RCOR2: variants seen among roughly 807,000 people sequenced by gnomAD.
RCOR2 encodes REST corepressor 2.
Under a neutral mutation model 58.9 loss-of-function variants are expected in RCOR2, and 19 were observed. The observed-to-expected ratio is 0.32, with a 90% CI of 0.23 to 0.47. The LOEUF is 0.47. RCOR2 is among the 20% of genes least tolerant of loss of function. RCOR2 has a pLI of 1.00. For synonymous variants in RCOR2, 286 were observed against 278.7 expected (o/e 1.03, Z -0.26); for missense variants, 590 against 707.9 (o/e 0.83, Z 1.89).
At position 63,911,932 on chromosome 11, in the gene RCOR2, C is replaced by A; in HGVS notation, c.1505G>T (p.Arg502Leu). The A allele has an allele frequency of 2.2e-6, 1 of 456,224 alleles. No individual in the cohort carries two copies. The allele number at this position is 456,224 out of a possible 1,614,324, so 28.3% of individuals were successfully genotyped here. A position where few individuals can be genotyped will look rare whatever the true frequency, so the allele number is the denominator to read the frequency against. ...PALAAPRHSA[R>L]PGPQPPPTLI... ...GGTGGGTGGGGGCTGAGGGCCAGGGCGGGCGCTGTGGCGGGGGGCAGCCAG... is the reference window on the plus strand; with the variant it reads ...GGTGGGTGGGGGCTGAGGGCCAGGGAGGGCGCTGTGGCGGGGGGCAGCCAG... Residue 502 changes from arginine to leucine, a missense_variant, in exon 12 of 12, where the codon CGC (arginine) becomes CTC (leucine). By Grantham distance (102) the Arg-to-Leu change is moderately radical. Transcript: ENST00000301459.
In RCOR2 at chr11:63,916,615, G is replaced by A. The variant is rs1030261780; in HGVS notation, c.-159C>T. On this transcript the variant is annotated 5_prime_UTR_variant, in exon 1 of 12. Coordinates refer to ENST00000301459, the MANE Select transcript of RCOR2 (RefSeq NM_173587.4). ...GTGGCTAGGGTCCGGCGGGGTGGGA[G>A]CCCACCTGGTAGCCCCAGCGCTCTC... 1.3e-5 allele frequency: 17 copies of A among 1,278,046 alleles called. No individual in the cohort carries two copies. Among genetic ancestry groups the A allele is most frequent in the Admixed American group, 1.2e-4 (4 of 34,466 alleles). The allele number at this position is 1,278,046 out of a possible 1,614,324, so 79.2% of individuals were successfully genotyped here. A position where few individuals can be genotyped will look rare whatever the true frequency, so the allele number is the denominator to read the frequency against.
chr11:63,921,284 C>A (rs1317369605), upstream of RCOR2, among the ~76,000 whole-genome samples: 3 of 152,192 alleles, frequency 2.0e-5, no homozygotes, highest in Non-Finnish European at 2.9e-5. Flanking sequence ...ACAGCTGCGC[C>A]CTCTGGCGGT....
chr11:63,918,802 A>C (rs769285480), upstream of RCOR2, among the ~76,000 whole-genome samples: 392 of 150,696 alleles, frequency 2.6e-3, 2 homozygotes, highest in Non-Finnish European at 3.9e-3. Flanking sequence ...GCAGGGCCTC[A>C]GTTGAGTCCC....
At position 63,912,655 on chromosome 11, in the gene RCOR2, TC is replaced by T. The variant is rs1565159913; in HGVS notation, c.1027+20del. On this transcript the variant is annotated intron_variant, in intron 10 of 11. Coordinates refer to ENST00000301459, the MANE Select transcript of RCOR2 (RefSeq NM_173587.4). ...GAGATAGATTCCTGGGGTCCTCTCT[TC>T]TCACCACAGTTTAACCCACCTTGAA... is the stretch of plus-strand genomic sequence containing the variant. The T allele has an allele frequency of 4.3e-6, 7 of 1,613,464 alleles. 1 individual carries two copies. The South Asian group carries it at 6.6e-5, about 15-fold the overall frequency.
Position 63,916,448 on chromosome 11 carries a change from TG to T in RCOR2, c.8del (p.Ser3Ter). ...AGCCCGCGCTCGGCTTCTCCATCAC[TG>T]AGGGCATTACCCCGCCCAGCTGCCC... is the stretch of plus-strand genomic sequence containing the variant. The part of the protein sequence containing the change: MP[S>X]VMEKPSAGSG... On this transcript the variant is annotated frameshift_variant, in exon 1 of 12. Coordinates refer to ENST00000301459, the MANE Select transcript of RCOR2 (RefSeq NM_173587.4). LOFTEE classifies it high-confidence loss of function. 1 of 1,608,298 alleles carries T rather than the reference TG, an allele frequency of 6.2e-7. No homozygotes were observed. Among genetic ancestry groups the T allele is most frequent in the Non-Finnish European group, 8.5e-7 (1 of 1,178,276 alleles).
intron 8 of RCOR2, 53 bp downstream of exon 8, chr11:63,913,901 C>T (rs191447314): frequency 1.3e-6 from 2 of 1,548,388 alleles, no homozygotes; most frequent in African/African-American, 2.7e-5. Context: ...GACTTCAGTT[C>T]CCAGGTGCCG....
At position 63,915,230 on chromosome 11, in the gene RCOR2, C is replaced by T; in HGVS notation, c.213G>A (p.Glu71=). 6.4e-7 allele frequency: 1 copy of T among 1,551,462 alleles called. No homozygotes were observed. Among genetic ancestry groups the T allele is most frequent in the South Asian group, 1.2e-5 (1 of 84,076 alleles). Reference sequence around the variant, plus strand: ...GTGACCACACCAGCATCCCCTTCAGCTCCTTGTTGCTGTAGCGTGCGGGGC... The same window carrying T: ...GTGACCACACCAGCATCCCCTTCAGTTCCTTGTTGCTGTAGCGTGCGGGGC... ...PESPARYSNK[E]LKGMLVWSPN... The change falls in exon 3 of 12, where the codon GAG becomes GAA. Residue 71 remains glutamate, a synonymous_variant. Transcript: ENST00000301459.
At chr11:63,925,009 C>T in the RCOR2 span, among the ~76,000 whole-genome samples, 1 of 152,044 alleles carries the variant, frequency 6.6e-6, no homozygotes, top group Admixed American at 6.6e-5. Context: ...TGCCACCACG[C>T]CCAGCTAATT....
At chr11:63,922,823 G>A in the RCOR2 span, among the ~76,000 whole-genome samples, 5 of 152,108 alleles carry the variant, frequency 3.3e-5, no homozygotes, top group Non-Finnish European at 7.4e-5. Flanking sequence ...GCCTCACCTG[G>A]TGGCCCAGGA....
chr11:63,924,190 G>C, the RCOR2 span, among the ~76,000 whole-genome samples: 1 of 151,170 alleles, frequency 6.6e-6, no homozygotes, highest in Non-Finnish European at 1.5e-5. Flanking sequence ...TAACAGGCGT[G>C]AGCCACCATG....
rs566751257 is a variant in RCOR2, at chr11:63,916,644, G to T, written c.-188C>A. On this transcript the variant is annotated 5_prime_UTR_variant, in exon 1 of 12. Coordinates refer to ENST00000301459, the MANE Select transcript of RCOR2 (RefSeq NM_173587.4). The stretch of plus-strand genomic sequence containing the variant: ...ACCTGGTAGCCCCAGCGCTCTCCAC[G>T]ACCCCCACGAGCCAGGGCGTCAGAA... 38 of 974,936 alleles carry T rather than the reference G, an allele frequency of 3.9e-5. No individual in the cohort carries two copies. The African/African-American group carries it at 5.1e-4, about 13-fold the overall frequency. The allele number at this position is 974,936 out of a possible 1,614,324, so 60.4% of individuals were successfully genotyped here.
At chr11:63,923,617 C>T in the RCOR2 span, among the ~76,000 whole-genome samples, 12 of 152,280 alleles carry the variant, frequency 7.9e-5, no homozygotes, top group African/African-American at 2.9e-4. Flanking sequence ...GATGTGAGCT[C>T]CTCCCTGGCT....
Position 63,915,252 on chromosome 11 carries a change from G to C in RCOR2, c.191C>G (p.Pro64Arg). The part of the protein sequence containing the change: ...AVIPECKPES[P>R]ARYSNKELKG... ...CAGCTCCTTGTTGCTGTAGCGTGCG[G>C]GGCTCTCTGAAAGGCCGAGGAGCAG... Residue 64 changes from proline (P) to arginine (R), a missense_variant, in exon 3 of 12, where the codon CCC becomes CGC. Physicochemically the swap from Pro to Arg is moderately radical, Grantham distance 103. Transcript: ENST00000301459. The C allele has an allele frequency of 6.4e-7, 1 of 1,551,354 alleles. No individual in the cohort carries two copies. The highest frequency in any genetic ancestry group is 8.7e-7 in the Non-Finnish European group (1 of 1,146,984).
At position 63,912,849 on chromosome 11, in the gene RCOR2, T is replaced by C. The variant is rs754851353; in HGVS notation, c.969+21A>G. On this transcript the variant is annotated intron_variant, in intron 9 of 11. Transcript: ENST00000301459. ...CAGAGAGAAACCCCCCTTTGCACCC[T>C]AACTTAAAGAGCAGCCATACCTCCG... 6 of 1,612,688 alleles carry C rather than the reference T, an allele frequency of 3.7e-6. No homozygotes were observed. The East Asian group carries it at 1.1e-4, about 30-fold the overall frequency.
chr11:63,918,534 C>G (rs1458639093), upstream of RCOR2, among the ~76,000 whole-genome samples: 4 of 152,202 alleles, frequency 2.6e-5, no homozygotes, highest in African/African-American at 9.7e-5. Context: ...GATTGGGCAC[C>G]AAGCCCCAGG....
rs199667093 is a variant in RCOR2, at chr11:63,914,887, G to A, written c.318+15C>T. 8.8e-5 allele frequency: 142 copies of A among 1,613,170 alleles called. No individual in the cohort carries two copies. The African/African-American group carries it at 1.5e-3, about 17-fold the overall frequency. ...GTTCCACCCCATTCCCAAGTCCCTG[G>A]GGGCCAAGGCTCACCTGCTCAATGT... On this transcript the variant is annotated intron_variant, in intron 4 of 11. Coordinates refer to ENST00000301459, the MANE Select transcript of RCOR2 (RefSeq NM_173587.4).
chr11:63,923,485 G>T, the RCOR2 span, among the ~76,000 whole-genome samples: 1 of 151,990 alleles, frequency 6.6e-6, no homozygotes, highest in Non-Finnish European at 1.5e-5. Context: ...CTACTCCACA[G>T]AAACCGTTCC....
chr11:63,926,111 A>G, the RCOR2 span, among the ~76,000 whole-genome samples: 1 of 151,994 alleles, frequency 6.6e-6, no homozygotes, highest in Non-Finnish European at 1.5e-5. Flanking sequence ...GGGTTTCACC[A>G]TGTTAGTCAG....
intron 3 of RCOR2, 107 bp from the exon 4 acceptor site, chr11:63,915,061 C>T (rs897188512): frequency 6.5e-7 from 1 of 1,542,316 alleles, no homozygotes; most frequent in Non-Finnish European, 8.9e-7. Flanking sequence ...TGAACACGAG[C>T]CCCAGGGCAA....
Sources: gnomAD v4.1 joint callset for allele counts (sites outside exome capture counted in the v4.1 genomes callset) on GRCh38, gnomAD v4.1.1 for gene constraint, MANE v1.5 for transcripts, NCBI Gene and HGNC (gene_info 2026-07-23, HGNC 2026-07-21) for gene names.